DOK7: variants seen among roughly 807,000 people sequenced by gnomAD.
The protein encoded by DOK7 is protein Dok-7.
In DOK7, 32 loss-of-function variants were observed where a neutral mutation model predicts 30.7. That is an observed-to-expected ratio of 1.04 (90% CI 0.79 to 1.40). The LOEUF (loss-of-function observed/expected upper bound fraction) is 1.40. DOK7 is among the 40% of genes most tolerant of loss of function. DOK7 has a pLI of 0.00. For missense variants in DOK7, 1,007 were observed against 699.2 expected (o/e 1.44, Z -4.97); for synonymous variants, 447 against 324.1 (o/e 1.38, Z -4.07).
Position 3,490,601 on chromosome 4 carries a change from T to G in DOK7, c.772+805T>G, listed in dbSNP as rs1171142939. On this transcript the variant is annotated intron_variant, in intron 6 of 6. Transcript: ENST00000340083. ...TCTCTCTGCTCATTCCTTCATTTCTTCTCTCCCTGCTCGTTCATTCCTTCC... is the reference window on the plus strand; with the variant it reads ...TCTCTCTGCTCATTCCTTCATTTCTGCTCTCCCTGCTCGTTCATTCCTTCC... Among the ~76,000 whole-genome samples, 57 of 27,510 alleles carry G rather than the reference T, an allele frequency of 2.1e-3. 1 individual carries two copies. Among genetic ancestry groups the G allele is most frequent in the African/African-American group, 0.017 (45 of 2,634 alleles). The allele number at this position is 27,510 out of a possible 152,430, so 18.0% of individuals were successfully genotyped here. A position where few individuals can be genotyped will look rare whatever the true frequency, so the allele number is the denominator to read the frequency against.
intron 7 of DOK7, chr4:3,500,659 C>A: frequency 1.3e-6 from 2 of 1,535,456 alleles, no homozygotes; most frequent in Non-Finnish European, 1.7e-6. Context: ...TGGCTCGGGG[C>A]GCAGGCTGCC....
Position 3,468,936 on chromosome 4 carries a change from CT to C in DOK7, c.101-4466del, listed in dbSNP as rs528990455. ...GTGTATGTGTGTATGAGTGTGCGTG[CT>C]TTTGTGCACGTGTGAGTGTGGTGCC... On this transcript the variant is annotated intron_variant, in intron 2 of 6. Transcript: ENST00000340083. Among the ~76,000 whole-genome samples, 945 of 128,440 alleles carry C rather than the reference CT, an allele frequency of 7.4e-3. 10 individuals carry two copies. The highest frequency in any genetic ancestry group is 0.031 in the African/African-American group (896 of 29,226). 84.3% of individuals were successfully genotyped at this position (128,440 alleles called of 152,430 possible). A position where few individuals can be genotyped will look rare whatever the true frequency, so the allele number is the denominator to read the frequency against.
chr4:3,490,940 CTCAT>C (rs889297389), intron 6 of DOK7, among the ~76,000 whole-genome samples: 1 of 138,684 alleles, frequency 7.2e-6, no homozygotes, highest in African/African-American at 2.8e-5. Flanking sequence ...TCTTCCCCTG[CTCAT>C]TCATTCCTTC....
intron 2 of DOK7, among the ~76,000 whole-genome samples, chr4:3,469,218 T>A (rs532663115): frequency 6.6e-6 from 1 of 152,108 alleles, no homozygotes; most frequent in East Asian, 1.9e-4. Context: ...TGCCTCTGTG[T>A]GAGTGTGCGT....
rs1560212458 is a variant in DOK7, at chr4:3,476,299, ACCCTG to A, written c.332-39_332-35del. On this transcript the variant is annotated intron_variant, in intron 3 of 6. Coordinates refer to ENST00000340083, the MANE Select transcript of DOK7 (RefSeq NM_173660.5). ...CCCCACCCGCCCGTGATGTCCTCTC[ACCCTG>A]CCCGCCCGTGATGCCCTCTTGCCCC... 44 of 1,078,486 alleles carry A rather than the reference ACCCTG, an allele frequency of 4.1e-5. 3 individuals are homozygous for A. The African/African-American group carries it at 6.8e-4, about 17-fold the overall frequency. The allele number at this position is 1,078,486 out of a possible 1,614,324, so 66.8% of individuals were successfully genotyped here.
chr4:3,493,502 G>T lies in DOK7; in HGVS notation c.*1G>T. The T allele has an allele frequency of 1.2e-6, 2 of 1,610,910 alleles. No individual in the cohort carries two copies. The highest frequency in any genetic ancestry group is 8.5e-7 in the Non-Finnish European group (1 of 1,179,218). ...ACTCAAGGTAAACCCCCCTCCTTGAGAGCCGCAGATCCCGCCCCGCGGCTG... is the reference window on the plus strand; with the variant it reads ...ACTCAAGGTAAACCCCCCTCCTTGATAGCCGCAGATCCCGCCCCGCGGCTG... On this transcript the variant is annotated 3_prime_UTR_variant, in exon 7 of 7. Transcript: ENST00000340083.
At chr4:3,497,673 C>T (rs1387403732), downstream of DOK7, among the ~76,000 whole-genome samples, 1 of 151,682 alleles carries the variant, frequency 6.6e-6, no homozygotes, top group Non-Finnish European at 1.5e-5. Flanking sequence ...GGGCGGGGTC[C>T]AGGCAGGCCT....
intron 2 of DOK7, 128 bp downstream of exon 2, chr4:3,463,679 G>GTGCGGACCCGGACCCCCC: frequency 8.0e-7 from 1 of 1,246,464 alleles, no homozygotes. Flanking sequence ...CGAGAGCCCC[G>GTGCGGACCCGGACCCCCC]TGCGGACCCG....
chr4:3,480,921 G>A (rs1377049588), intron 4 of DOK7, among the ~76,000 whole-genome samples: 1 of 152,208 alleles, frequency 6.6e-6, no homozygotes, highest in Admixed American at 6.5e-5. Context: ...CCCCAGGCTG[G>A]GGGCACTGCG....
In DOK7 at chr4:3,463,489, C is replaced by G; in HGVS notation, c.55-17C>G. On this transcript the variant is annotated splice_polypyrimidine_tract_variant and intron_variant, in intron 1 of 6. Coordinates refer to ENST00000340083, the MANE Select transcript of DOK7 (RefSeq NM_173660.5). ...GCGGGCGCGGGCGGCGGCTCACGCT[C>G]CCCCCTGTCCCCGCAGTGGAAGAGT... The G allele has an allele frequency of 1.3e-6, 2 of 1,484,808 alleles. No homozygotes were observed. The highest frequency in any genetic ancestry group is 1.3e-5 in the South Asian group (1 of 79,330). The allele number at this position is 1,484,808 out of a possible 1,614,324, so 92.0% of individuals were successfully genotyped here.
intron 4 of DOK7, chr4:3,484,650 T>A (rs899787736): frequency 1.0e-6 from 1 of 985,522 alleles, no homozygotes; most frequent in Non-Finnish European, 1.2e-6. Flanking sequence ...GCTCTGCCAG[T>A]GACGCTGGGC....
rs7663875 is a variant in DOK7, at chr4:3,463,712, C to T, written c.100+161C>T. ...CCGGACCCCCCGGCGCCCCTGGGAG[C>T]GCAGGTGGGGGCCCTGGACGGAAGA... On this transcript the variant is annotated intron_variant, in intron 2 of 6. Coordinates refer to ENST00000340083, the MANE Select transcript of DOK7 (RefSeq NM_173660.5). Among the ~76,000 whole-genome samples, 34,502 of 152,074 alleles carry T rather than the reference C, an allele frequency of 0.23. 4,257 individuals are homozygous for T. The highest frequency in any genetic ancestry group is 0.47 in the East Asian group (2,434 of 5,136).
At chr4:3,467,916 A>T (rs578041071) in intron 2 of DOK7, among the ~76,000 whole-genome samples, 1 of 152,252 alleles carries the variant, frequency 6.6e-6, no homozygotes, top group African/African-American at 2.4e-5. Flanking sequence ...GGGCCCCCTC[A>T]TCAGGTACTG....
chr4:3,497,614 A>G (rs1027793602), downstream of DOK7, among the ~76,000 whole-genome samples: 4 of 151,688 alleles, frequency 2.6e-5, no homozygotes, highest in Admixed American at 2.6e-4. Context: ...TGCGGGCTAA[A>G]CCTTGGATTC....
At chr4:3,478,671 G>A (rs1390853219) in intron 4 of DOK7, among the ~76,000 whole-genome samples, 1 of 103,148 alleles carries the variant, frequency 9.7e-6, no homozygotes, top group African/African-American at 4.4e-5. Flanking sequence ...GCCTGAGAGA[G>A]GAAGGGCTCT....
chr4:3,490,498 TCCCCCTGCTCATTCTTTCCTTCAC>T (rs1229170333), intron 6 of DOK7, among the ~76,000 whole-genome samples: 2 of 110,846 alleles, frequency 1.8e-5, no homozygotes, highest in East Asian at 3.1e-4. Context: ...TCCTTCCTTT[TCCCCCTGCTCATTCTTTCCTTCAC>T]CCCCCCGCTC....
chr4:3,486,155 T>C (rs1233148449), intron 5 of DOK7, among the ~76,000 whole-genome samples: 1 of 152,046 alleles, frequency 6.6e-6, no homozygotes, highest in African/African-American at 2.4e-5. Context: ...TCAGGACACG[T>C]TGGGCTGAGG....
chr4:3,478,558 T>C lies in DOK7; in HGVS notation c.532+2016T>C, dbSNP rs532275208. Among the ~76,000 whole-genome samples the C allele has an allele frequency of 3.4e-5, 5 of 148,052 alleles. No homozygotes were observed. In the East Asian group the frequency reaches 8.0e-4, roughly 24 times the overall value. On this transcript the variant is annotated intron_variant, in intron 4 of 6. Transcript: ENST00000340083. ...GCTGGCCCCACAGAACCCACAAACCTGCAGACTGGGCTGGCCCCACAGAAC... is the reference window on the plus strand; with the variant it reads ...GCTGGCCCCACAGAACCCACAAACCCGCAGACTGGGCTGGCCCCACAGAAC...
rs369242107 is a variant in DOK7 at position 3,493,126 on chromosome 4, C to T, written c.1140C>T (p.Ala380=). Residue 380 remains alanine (A), a synonymous_variant, in exon 7 of 7, where the codon GCC becomes GCT. Transcript: ENST00000340083. ...GSLLSLPAAG[A]PEPSLCTCLP... is the part of the protein sequence containing the mutation. ...TGCTCAGCCTGCCAGCAGCGGGGGC[C>T]CCCGAGCCCAGCCTGTGCACCTGCC... 8.8e-6 allele frequency: 14 copies of T among 1,594,296 alleles called. No homozygotes were observed. In the African/African-American group the frequency reaches 1.9e-4, roughly 21 times the overall value.
Sources: allele counts gnomAD v4.1 joint callset (sites outside exome capture counted in the v4.1 genomes callset), GRCh38; gene constraint gnomAD v4.1.1; transcripts MANE v1.5; gene names NCBI Gene and HGNC (gene_info 2026-07-23, HGNC 2026-07-21).